The following FOXP2 variants were observed in gnomAD, a reference collection of about 807,000 sequenced individuals.
The protein encoded by FOXP2 is forkhead box P2, also known as forkhead box protein P2.
Under a neutral mutation model 115.8 loss-of-function variants are expected in FOXP2, and 12 were observed. The observed-to-expected ratio is 0.10, with a 90% CI of 0.07 to 0.17. The LOEUF (loss-of-function observed/expected upper bound fraction) is 0.17, where lower values mean the gene tolerates loss of function less well. Among genes scored for constraint, FOXP2 ranks in the 10% least tolerant of loss-of-function variants. The probability of loss-of-function intolerance (pLI) is 1.00; values close to 1 mark genes in which losing one functional copy is unlikely to be tolerated. For missense variants in FOXP2, 629 were observed against 843.5 expected (o/e 0.75, Z 3.15); for synonymous variants, 328 against 297.7 (o/e 1.10, Z -1.05).
At chr7:114,266,879 T>C (rs537732914) in intron 1 of FOXP2, among the ~76,000 whole-genome samples, 1 of 152,230 alleles carries the variant, frequency 6.6e-6, no homozygotes, top group Non-Finnish European at 1.5e-5. Context: ...ATTTATGTAG[T>C]GCCAACTGTG....
At chr7:114,625,376 C>T (rs1254769229) in intron 3 of FOXP2, among the ~76,000 whole-genome samples, 1 of 151,726 alleles carries the variant, frequency 6.6e-6, no homozygotes, top group Non-Finnish European at 1.5e-5. Flanking sequence ...AGAATATTTG[C>T]ATGAATCAAA....
chr7:114,469,071 T>C (rs1200641695), intron 2 of FOXP2, among the ~76,000 whole-genome samples: 2 of 152,308 alleles, frequency 1.3e-5, no homozygotes, highest in African/African-American at 4.8e-5. Context: ...TCGTGGCCTG[T>C]GATCGGCTCC....
At chr7:114,563,988 T>C (rs150645372) in intron 3 of FOXP2, among the ~76,000 whole-genome samples, 88 of 152,270 alleles carry the variant, frequency 5.8e-4, no homozygotes, top group Non-Finnish European at 9.6e-4. Context: ...AGTAACTGTC[T>C]AATGAATCTT....
intron 1 of FOXP2, among the ~76,000 whole-genome samples, chr7:114,271,059 A>G (rs182996568): frequency 6.6e-6 from 1 of 151,888 alleles, no homozygotes; most frequent in African/African-American, 2.4e-5. Context: ...TTCCTTTATC[A>G]AAGTTAAATT....
At chr7:114,090,696 T>C (rs960715446) in intron 1 of FOXP2, among the ~76,000 whole-genome samples, 2 of 151,894 alleles carry the variant, frequency 1.3e-5, no homozygotes, top group Non-Finnish European at 1.5e-5. Flanking sequence ...GTTTTATTCC[T>C]TCCTTAGGTG....
chr7:114,268,655 A>G (rs1008769118), intron 1 of FOXP2, among the ~76,000 whole-genome samples: 2 of 151,686 alleles, frequency 1.3e-5, no homozygotes, highest in Admixed American at 6.6e-5. Flanking sequence ...GTGTTCTGTT[A>G]GTGCTACTAC....
intron 1 of FOXP2, among the ~76,000 whole-genome samples, chr7:114,163,841 G>A (rs899885768): frequency 2.6e-5 from 4 of 152,128 alleles, no homozygotes; most frequent in Non-Finnish European, 5.9e-5. Flanking sequence ...TGATATAATG[G>A]TTGTGATATA....
At chr7:114,270,358 C>T (rs1796005856) in intron 1 of FOXP2, among the ~76,000 whole-genome samples, 1 of 152,134 alleles carries the variant, frequency 6.6e-6, no homozygotes. Flanking sequence ...ATATTCAGAT[C>T]CTTTGATTAG....
intron 1 of FOXP2, among the ~76,000 whole-genome samples, chr7:114,223,704 G>A (rs1263991530): frequency 6.6e-6 from 1 of 150,448 alleles, no homozygotes; most frequent in East Asian, 1.9e-4. Flanking sequence ...CAAAACTTCT[G>A]GGCTCAAGTT....
intron 2 of FOXP2, among the ~76,000 whole-genome samples, chr7:114,389,891 G>A (rs1057496525): frequency 2.0e-5 from 3 of 151,892 alleles, no homozygotes; most frequent in African/African-American, 7.3e-5. Flanking sequence ...GGGCATGGTG[G>A]CATGCTCCTG....
chr7:114,142,665 A>T (rs1792251437), intron 1 of FOXP2, among the ~76,000 whole-genome samples: 1 of 152,078 alleles, frequency 6.6e-6, no homozygotes, highest in Non-Finnish European at 1.5e-5. Context: ...AACTCAAGGC[A>T]CTCTGCCTAT....
chr7:114,281,310 C>G (rs1796332715), intron 1 of FOXP2, among the ~76,000 whole-genome samples: 1 of 151,864 alleles, frequency 6.6e-6, no homozygotes, highest in Admixed American at 6.6e-5. Context: ...CCATGTTGGC[C>G]AGGCTGATTT....
At chr7:114,624,701 C>T (rs993567248) in intron 3 of FOXP2, among the ~76,000 whole-genome samples, 3 of 151,550 alleles carry the variant, frequency 2.0e-5, no homozygotes, top group African/African-American at 7.3e-5. Context: ...TGCATTGTCT[C>T]GTAATAACTT....
At chr7:114,500,295 C>G (rs1225262999) in intron 2 of FOXP2, among the ~76,000 whole-genome samples, 1 of 151,194 alleles carries the variant, frequency 6.6e-6, no homozygotes, top group Non-Finnish European at 1.5e-5. Flanking sequence ...TATAGTGGCT[C>G]AAGGATTTTT....
At chr7:114,595,897 G>T (rs751550905) in intron 3 of FOXP2, among the ~76,000 whole-genome samples, 19 of 151,950 alleles carry the variant, frequency 1.3e-4, no homozygotes, top group Non-Finnish European at 1.5e-4. Flanking sequence ...GTTTGAAGGA[G>T]TTTACCATAA....
chr7:114,240,133 A>G (rs1795114377), intron 1 of FOXP2, among the ~76,000 whole-genome samples: 2 of 152,200 alleles, frequency 1.3e-5, no homozygotes, highest in African/African-American at 4.8e-5. Context: ...TAATAAATGC[A>G]GAAAGATGTT....
chr7:114,543,413 T>C (rs1040555580), intron 3 of FOXP2, among the ~76,000 whole-genome samples: 1 of 152,206 alleles, frequency 6.6e-6, no homozygotes, highest in Admixed American at 6.5e-5. Flanking sequence ...GTGAGGTTTG[T>C]GCAGACTTTC....
Position 114,631,684 on chromosome 7 carries a change from C to G in FOXP2, c.754C>G (p.Pro252Ala). The G allele has an allele frequency of 1.2e-6, 2 of 1,614,112 alleles. No homozygotes were observed. Among genetic ancestry groups the G allele is most frequent in the South Asian group, 1.1e-5 (1 of 91,082 alleles). ...CATTCCACCTGGCCAGGCAGCACTT[C>G]CTGTCCAATCGCTGCCTCAAGGTAC... ...ISIPPGQAAL[P>A]VQSLPQAGLS... is the part of the protein sequence containing the mutation. Residue 252 changes from proline to alanine, a missense_variant, in exon 6 of 17, where the codon CCT (proline) becomes GCT (alanine). This residue lies in a region of FOXP2 where 138 missense variants were observed against 205.1 expected (regional missense o/e 0.67). Coordinates refer to ENST00000350908, the MANE Select transcript of FOXP2 (RefSeq NM_014491.4).
intron 3 of FOXP2, among the ~76,000 whole-genome samples, chr7:114,563,528 A>G (rs1419777879): frequency 6.6e-6 from 1 of 152,214 alleles, no homozygotes; most frequent in Non-Finnish European, 1.5e-5. Flanking sequence ...AGGAAGTTGA[A>G]TGCCACCATC....
Sources: gnomAD v4.1 joint callset for allele counts (sites outside exome capture counted in the v4.1 genomes callset) on GRCh38, gnomAD v4.1.1 for gene constraint, gnomAD v4.1.1 regional missense constraint, MANE v1.5 for transcripts, NCBI Gene and HGNC (gene_info 2026-07-23, HGNC 2026-07-21) for gene names.